Variants in UMOD observed in about 807,000 individuals in gnomAD.
UMOD encodes the protein uromodulin, also known as Tamm-Horsfall urinary glycoprotein.
UMOD carries 64 observed loss-of-function variants against 66.0 expected under a neutral mutation model. The ratio of observed to expected loss-of-function variants is 0.97; its 90% CI spans 0.79 to 1.19. The LOEUF (loss-of-function observed/expected upper bound fraction) is 1.19, where lower values mean the gene tolerates loss of function less well. Ranked by LOEUF, UMOD falls within the 50% of genes most tolerant of loss-of-function variation. The pLI, the probability that UMOD is intolerant of heterozygous loss-of-function variation, is 0.00. For synonymous variants in UMOD, 398 were observed against 352.7 expected (o/e 1.13, Z -1.44); for missense variants, 764 against 850.9 (o/e 0.90, Z 1.27).
intron 5 of UMOD, among the ~76,000 whole-genome samples, chr16:20,345,149 G>A (rs1965470680): frequency 6.6e-6 from 1 of 152,078 alleles, no homozygotes; most frequent in Non-Finnish European, 1.5e-5. Context: ...GAGTAGCTGG[G>A]ATTACAGGTG....
intron 1 of UMOD, among the ~76,000 whole-genome samples, chr16:20,352,020 C>A (rs372055120): frequency 2.4e-4 from 34 of 140,228 alleles, no homozygotes; most frequent in East Asian, 8.1e-4. Context: ...TCCCCCCCCC[C>A]CAAAAAAAAA....
chr16:20,347,053 C>T lies in UMOD; in HGVS notation c.974-719G>A, dbSNP rs146765952. On this transcript the variant is annotated intron_variant, in intron 4 of 10. Coordinates refer to ENST00000396138, the MANE Select transcript of UMOD (RefSeq NM_003361.4). Reference sequence around the variant, plus strand: ...TTTTTTGAGACGGAGTTTCTCTCTTCGGCGACAAGCCCAGGCTGGAATGCA... The same window carrying T: ...TTTTTTGAGACGGAGTTTCTCTCTTTGGCGACAAGCCCAGGCTGGAATGCA... 2.3e-3 allele frequency among the ~76,000 whole-genome samples: 355 copies of T among 152,104 alleles called. 1 individual carries two copies. Among genetic ancestry groups the T allele is most frequent in the African/African-American group, 7.9e-3 (329 of 41,510 alleles).
chr16:20,352,097 C>G (rs1965930681), intron 1 of UMOD, among the ~76,000 whole-genome samples: 2 of 149,868 alleles, frequency 1.3e-5, no homozygotes, highest in Non-Finnish European at 1.5e-5. Flanking sequence ...TGTATGTGCA[C>G]ACACACATAA....
intron 7 of UMOD, among the ~76,000 whole-genome samples, chr16:20,340,472 GTA>G (rs10533543): frequency 0.31 from 34,682 of 112,224 alleles, 4,646 homozygotes; most frequent in East Asian, 0.69. Context: ...GTGTGTGTGT[GTA>G]TATATATATA....
At chr16:20,336,768 A>T in intron 8 of UMOD, 41 bp from the exon 9 acceptor site, 1 of 1,587,792 alleles carries the variant, frequency 6.3e-7, no homozygotes, top group South Asian at 1.1e-5. Context: ...TCCATGAAGG[A>T]GCCTGAATGT....
At chr16:20,342,226 T>A (rs1450565917) in intron 6 of UMOD, among the ~76,000 whole-genome samples, 1 of 152,198 alleles carries the variant, frequency 6.6e-6, no homozygotes, top group African/African-American at 2.4e-5. Context: ...GTGGCATGTG[T>A]CTGTAGTCCT....
In UMOD at chr16:20,341,098, G is replaced by A; in HGVS notation, c.1570C>T (p.Gln524Ter). Residue 524 changes from glutamine to a stop codon, truncating the protein, a stop_gained, in exon 7 of 11, where the codon CAG becomes TAG. Coordinates refer to ENST00000396138, the MANE Select transcript of UMOD (RefSeq NM_003361.4). LOFTEE classifies it high-confidence loss of function. Reference sequence around the variant, plus strand: ...TAGGAACCTTTGCCTTACCTGTCCTGGATGATGAAGTACTTCAGGGGGTCC... The same window carrying A: ...TAGGAACCTTTGCCTTACCTGTCCTAGATGATGAAGTACTTCAGGGGGTCC... ...ATDPLKYFII[Q>*]DRCPHTRDST... 6.2e-7 allele frequency: 1 copy of A among 1,613,970 alleles called. No individual in the cohort carries two copies. The highest frequency in any genetic ancestry group is 8.5e-7 in the Non-Finnish European group (1 of 1,179,990).
chr16:20,352,967 C>T, upstream of UMOD: 1 of 374,798 alleles, frequency 2.7e-6, no homozygotes, highest in Non-Finnish European at 4.7e-6. Context: ...TGTTTCGCAC[C>T]TTCTAACAGC....
chr16:20,354,424 G>A (rs375231833), upstream of UMOD, among the ~76,000 whole-genome samples: 4 of 152,108 alleles, frequency 2.6e-5, no homozygotes, highest in African/African-American at 9.7e-5. Context: ...CTGAGCATTG[G>A]TAACTTGCTT....
chr16:20,348,127 T>C, intron 4 of UMOD, 96 bp downstream of exon 4: 1 of 1,094,888 alleles, frequency 9.1e-7, no homozygotes, highest in South Asian at 1.2e-5. Flanking sequence ...CCCTGCGTCA[T>C]ACCCATATGG....
At chr16:20,349,783 T>C (rs1965802081) in intron 2 of UMOD, 1 of 1,516,122 alleles carries the variant, frequency 6.6e-7, no homozygotes, top group Admixed American at 2.0e-5. Flanking sequence ...CCCTGGCTGG[T>C]GAAATCTTCA....
chr16:20,349,192 T>C lies in UMOD; in HGVS notation c.109A>G (p.Ser37Gly). 1 of 1,613,706 alleles carries C rather than the reference T, an allele frequency of 6.2e-7. No individual in the cohort carries two copies. The highest frequency in any genetic ancestry group is 8.5e-7 in the Non-Finnish European group (1 of 1,179,984). Residue 37 changes from serine (S) to glycine (G), a missense_variant, in exon 3 of 11, where the codon AGC (serine) becomes GGC (glycine). Ser to Gly is a moderately conservative substitution (Grantham distance 56). Transcript: ENST00000396138. ...TCATCCTCCGTGCAGGTGGCATTGC[T>C]GTGACATTCAGAGCACCATCCTGTG... ...SEARWCSECHSNATCTEDEAV... is the reference protein window; with the variant it reads ...SEARWCSECHGNATCTEDEAV...
chr16:20,343,151 A>ATAAT (rs1555486486), intron 6 of UMOD, among the ~76,000 whole-genome samples: 7 of 151,334 alleles, frequency 4.6e-5, no homozygotes, highest in Non-Finnish European at 7.4e-5. Context: ...AAATAAATAA[A>ATAAT]TAAATAATCA....
Position 20,348,183 on chromosome 16 carries a change from C to T in UMOD, c.973+40G>A, listed in dbSNP as rs1965687670. On this transcript the variant is annotated intron_variant, in intron 4 of 10. Transcript: ENST00000396138. Reference sequence around the variant, plus strand: ...AATGTGTCCCTCCCCCAGGCAGTGACAGGTTTCTCAACAACCCGCTTCCTC... The same window carrying T: ...AATGTGTCCCTCCCCCAGGCAGTGATAGGTTTCTCAACAACCCGCTTCCTC... The T allele has an allele frequency of 2.5e-6, 4 of 1,574,954 alleles. No homozygotes were observed. The South Asian group carries it at 3.3e-5, about 13-fold the overall frequency.
intron 8 of UMOD, among the ~76,000 whole-genome samples, chr16:20,336,972 A>C (rs1436437954): frequency 6.6e-6 from 1 of 152,136 alleles, no homozygotes; most frequent in Admixed American, 6.5e-5. Flanking sequence ...AACCAGTAAT[A>C]CCTCCCTTAT....
At position 20,333,206 on chromosome 16, in the gene UMOD, C is replaced by T. The variant is rs917164722; in HGVS notation, c.*108G>A. On this transcript the variant is annotated 3_prime_UTR_variant, in exon 11 of 11. Transcript: ENST00000396138. ...AAGGGAGAAAAGAAGGCAGGCTGAACAAAGCATGAACTTTCTTTTCTGTGG... is the reference window on the plus strand; with the variant it reads ...AAGGGAGAAAAGAAGGCAGGCTGAATAAAGCATGAACTTTCTTTTCTGTGG... The T allele has an allele frequency of 5.9e-6, 7 of 1,180,396 alleles. No homozygotes were observed. The African/African-American group carries it at 6.1e-5, about 10-fold the overall frequency. The allele number at this position is 1,180,396 out of a possible 1,614,324, so 73.1% of individuals were successfully genotyped here. A position where few individuals can be genotyped will look rare whatever the true frequency, so the allele number is the denominator to read the frequency against.
intron 7 of UMOD, among the ~76,000 whole-genome samples, chr16:20,339,040 C>T (rs1055851700): frequency 4.6e-5 from 7 of 152,220 alleles, no homozygotes; most frequent in Non-Finnish European, 4.4e-5. Flanking sequence ...GGATTACAGG[C>T]GTGAGCCATC....
Position 20,349,009 on chromosome 16 carries a change from A to G in UMOD, c.292T>C (p.Phe98Leu). The change falls in exon 3 of 11, where the codon TTC (phenylalanine) becomes CTC (leucine). Residue 98 changes from phenylalanine to leucine, a missense_variant. Physicochemically the swap from Phe to Leu is conservative, Grantham distance 22. Transcript: ENST00000396138. ...GSFSCVCPEG[F>L]RLSPGLGCTD... ...CAGCCGAGACCGGGCGACAGGCGGA[A>G]GCCTTCGGGGCAGACGCAGGAGAAG... 2 of 1,584,180 alleles carry G rather than the reference A, an allele frequency of 1.3e-6. No homozygotes were observed. Among genetic ancestry groups the G allele is most frequent in the Non-Finnish European group, 8.6e-7 (1 of 1,165,296 alleles).
At chr16:20,343,289 C>T (rs368728988) in intron 6 of UMOD, among the ~76,000 whole-genome samples, 2 of 152,122 alleles carry the variant, frequency 1.3e-5, no homozygotes, top group Admixed American at 1.3e-4. Context: ...TACTACGTGG[C>T]ACCCAGTATG....
Sources: allele counts gnomAD v4.1 joint callset (sites outside exome capture counted in the v4.1 genomes callset), GRCh38; gene constraint gnomAD v4.1.1; transcripts MANE v1.5; gene names NCBI Gene and HGNC (gene_info 2026-07-23, HGNC 2026-07-21).